Variants in SESTD1 observed in about 807,000 individuals in gnomAD.
SESTD1 encodes SEC14 and spectrin domain containing 1.
A neutral mutation model predicts 101.7 loss-of-function variants in SESTD1; 43 were observed. The observed-to-expected ratio is 0.42, with a 90% CI of 0.33 to 0.55. The LOEUF (loss-of-function observed/expected upper bound fraction) is 0.55. SESTD1 is among the 20% of genes least tolerant of loss of function. The probability of loss-of-function intolerance (pLI) is 0.07; values close to 1 mark genes in which losing one functional copy is unlikely to be tolerated. For missense variants in SESTD1, 647 were observed against 815.1 expected, an observed-to-expected ratio of 0.79 and a Z score of 2.51; for synonymous variants, 283 against 286.8, an observed-to-expected ratio of 0.99 and a Z score of 0.13.
chr2:179,253,012 TAA>T (rs1030494049), intron 1 of SESTD1, among the ~76,000 whole-genome samples: 5 of 152,150 alleles, frequency 3.3e-5, no homozygotes, highest in African/African-American at 9.7e-5. Flanking sequence ...AAATGAATTA[TAA>T]AAGTCTGGGG....
At chr2:179,260,668 G>A (rs1213134125) in intron 1 of SESTD1, among the ~76,000 whole-genome samples, 1 of 152,136 alleles carries the variant, frequency 6.6e-6, no homozygotes, top group African/African-American at 2.4e-5. Context: ...TCTTAATCCT[G>A]ACTTCATCTT....
chr2:179,185,569 A>C (rs1043150735), intron 2 of SESTD1, among the ~76,000 whole-genome samples: 1 of 132,562 alleles, frequency 7.5e-6, no homozygotes, highest in Admixed American at 8.0e-5. Flanking sequence ...ATATATGTAT[A>C]TAATATACTA....
chr2:179,153,263 G>A (rs1438755233), intron 5 of SESTD1, among the ~76,000 whole-genome samples: 1 of 152,140 alleles, frequency 6.6e-6, no homozygotes, highest in African/African-American at 2.4e-5. Flanking sequence ...CATGCTGTTA[G>A]TGATAGTTTT....
chr2:179,187,516 C>A (rs1038839299), intron 2 of SESTD1, among the ~76,000 whole-genome samples: 1 of 152,144 alleles, frequency 6.6e-6, no homozygotes, highest in Non-Finnish European at 1.5e-5. Context: ...TGCCTGTGGT[C>A]CCAGCTAGTC....
At chr2:179,210,897 G>A in intron 1 of SESTD1, among the ~76,000 whole-genome samples, 1 of 134,212 alleles carries the variant, frequency 7.5e-6, no homozygotes, top group East Asian at 2.0e-4. Flanking sequence ...AACTGTCACT[G>A]TTTGTTGATG....
At chr2:179,218,687 T>C (rs1340278985) in intron 1 of SESTD1, among the ~76,000 whole-genome samples, 1 of 152,236 alleles carries the variant, frequency 6.6e-6, no homozygotes, top group African/African-American at 2.4e-5. Context: ...CCATGGATAT[T>C]TGTATCCATT....
chr2:179,116,573 C>T (rs745922968), intron 15 of SESTD1, 95 bp downstream of exon 15: 4 of 1,583,960 alleles, frequency 2.5e-6, no homozygotes, highest in Non-Finnish European at 3.5e-6. Flanking sequence ...ACAAAACTAA[C>T]CTTCTTGTAC....
chr2:179,254,643 T>C (rs1434629054), intron 1 of SESTD1, among the ~76,000 whole-genome samples: 1 of 152,200 alleles, frequency 6.6e-6, no homozygotes, highest in East Asian at 1.9e-4. Context: ...CTCAATGCAG[T>C]CTTCCAGGCA....
At chr2:179,115,343 G>T in intron 15 of SESTD1, 87 bp from the exon 16 acceptor site, 1 of 981,746 alleles carries the variant, frequency 1.0e-6, no homozygotes, top group Non-Finnish European at 1.5e-6. Flanking sequence ...TGTCGTTACA[G>T]TTAAGTGACA....
chr2:179,123,665 AT>A, intron 12 of SESTD1, 49 bp downstream of exon 12: 1 of 956,870 alleles, frequency 1.0e-6, no homozygotes, highest in Non-Finnish European at 1.4e-6. Flanking sequence ...TGGTAATGAT[AT>A]TTAAAAAAAA....
intron 5 of SESTD1, among the ~76,000 whole-genome samples, chr2:179,169,398 T>C (rs550498623): frequency 6.6e-6 from 1 of 151,998 alleles, no homozygotes; most frequent in African/African-American, 2.4e-5. Flanking sequence ...AAGACATAGC[T>C]ATCCTAAATC....
In SESTD1 at chr2:179,146,431, G is replaced by A. The variant is rs777741336; in HGVS notation, c.608C>T (p.Ser203Leu). 22 of 1,612,662 alleles carry A rather than the reference G, an allele frequency of 1.4e-5. No homozygotes were observed. The highest frequency in any genetic ancestry group is 1.7e-5 in the Non-Finnish European group (20 of 1,179,536). The change falls in exon 8 of 18, where the codon TCG becomes TTG. Residue 203 changes from serine (S) to leucine (L), a missense_variant. Ser to Leu is a moderately radical substitution (Grantham distance 145). This residue lies in a region of SESTD1 where 168 missense variants were observed against 235.1 expected (regional missense o/e 0.71). Coordinates refer to ENST00000428443, the MANE Select transcript of SESTD1 (RefSeq NM_178123.5). ...ERSVDLNFLP[S>L]VDPETVLQTG... ...CTGAAGAACTGTTTCAGGATCAACC[G>A]ATGGAAGAAAGTTTAAATCCACAGA... is the stretch of plus-strand genomic sequence containing the variant.
At chr2:179,111,663 A>C (rs1419280482) in intron 17 of SESTD1, among the ~76,000 whole-genome samples, 1 of 151,864 alleles carries the variant, frequency 6.6e-6, no homozygotes, top group Non-Finnish European at 1.5e-5. Flanking sequence ...ATTATCTCTA[A>C]ATTATTTTCA....
intron 10 of SESTD1, among the ~76,000 whole-genome samples, chr2:179,124,986 C>T (rs1173984296): frequency 6.6e-6 from 1 of 152,122 alleles, no homozygotes; most frequent in Non-Finnish European, 1.5e-5. Context: ...TCACCTCATC[C>T]ACAGAAGGGT....
At chr2:179,188,166 A>G (rs1218454701) in intron 2 of SESTD1, among the ~76,000 whole-genome samples, 1 of 152,178 alleles carries the variant, frequency 6.6e-6, no homozygotes, top group South Asian at 2.1e-4. Flanking sequence ...TCTAAGACCA[A>G]CCACAGGCTC....
chr2:179,187,899 A>C (rs960234828), intron 2 of SESTD1, among the ~76,000 whole-genome samples: 2 of 152,188 alleles, frequency 1.3e-5, no homozygotes, highest in African/African-American at 4.8e-5. Flanking sequence ...AAATATATAC[A>C]CATGCACCCA....
rs149858791 is a variant in SESTD1, at chr2:179,158,395, C to T, written c.370-7004G>A. 1.5e-3 allele frequency among the ~76,000 whole-genome samples: 225 copies of T among 152,210 alleles called. 4 individuals are homozygous for T. The East Asian group carries it at 0.028, about 19-fold the overall frequency. ...TTTCTACTTTTATAGTTCCTAAATG[C>T]ACCAAAATCATTGATAAACATGTTT... On this transcript the variant is annotated intron_variant, in intron 5 of 17. Coordinates refer to ENST00000428443, the MANE Select transcript of SESTD1 (RefSeq NM_178123.5).
intron 13 of SESTD1, among the ~76,000 whole-genome samples, chr2:179,119,735 A>G (rs757407701): frequency 6.6e-6 from 1 of 152,126 alleles, no homozygotes; most frequent in Non-Finnish European, 1.5e-5. Context: ...TCATGTCAGT[A>G]AGTGAGTTCT....
Position 179,247,252 on chromosome 2 carries a change from C to T in SESTD1, c.-26+17247G>A, listed in dbSNP as rs189594909. On this transcript the variant is annotated intron_variant, in intron 1 of 17. Coordinates refer to ENST00000428443, the MANE Select transcript of SESTD1 (RefSeq NM_178123.5). The stretch of plus-strand genomic sequence containing the variant: ...TTTTTTTTAATTCCAACTTTGTTTA[C>T]ATTATATAAGACCATTTTATCTAAT... 8.6e-3 allele frequency among the ~76,000 whole-genome samples: 1,289 copies of T among 150,650 alleles called. 10 individuals are homozygous for T. The highest frequency in any genetic ancestry group is 0.029 in the African/African-American group (1,200 of 41,080).
Sources: gnomAD v4.1 joint callset for allele counts (sites outside exome capture counted in the v4.1 genomes callset) on GRCh38, gnomAD v4.1.1 for gene constraint, gnomAD v4.1.1 regional missense constraint, MANE v1.5 for transcripts, NCBI Gene and HGNC (gene_info 2026-07-23, HGNC 2026-07-21) for gene names.